The following TCOF1 variants were observed in gnomAD, a reference collection of about 807,000 sequenced individuals.
TCOF1 encodes the protein treacle protein.
A neutral mutation model predicts 149.0 loss-of-function variants in TCOF1; 33 were observed. The observed-to-expected ratio is 0.22, with a 90% CI of 0.17 to 0.30. The LOEUF is 0.30. Ranked by LOEUF, TCOF1 falls within the 10% of genes least tolerant of loss-of-function variation. The pLI is 1.00. For missense variants in TCOF1, 1,728 were observed against 1,840.7 expected, an observed-to-expected ratio of 0.94 and a Z score of 1.12; for synonymous variants, 789 against 738.8, an observed-to-expected ratio of 1.07 and a Z score of -1.10.
chr5:150,371,434 C>T (rs543619536), intron 6 of TCOF1, among the ~76,000 whole-genome samples: 11 of 152,312 alleles, frequency 7.2e-5, no homozygotes, highest in East Asian at 1.9e-4. Context: ...CAGTAGCAGA[C>T]GCCCCAGAAA....
chr5:150,397,452 T>TA (rs142759922), intron 24 of TCOF1, among the ~76,000 whole-genome samples: 3,060 of 152,250 alleles, frequency 0.02, 101 homozygotes, highest in African/African-American at 0.07. Flanking sequence ...CACTGGCCCT[T>TA]TACTGAGTGC....
rs1768538361 is a variant in TCOF1 at position 150,396,481 on chromosome 5, AAAG to A, written c.3988_3990del (p.Lys1330del). ...TGACTGAGCTGCTGGAACAGGAAAG[AAAG>A]AAGGTGGTGGACACCACCAAGGAGA... is the stretch of plus-strand genomic sequence containing the variant. On this transcript the variant is annotated inframe_deletion, in exon 24 of 27. Coordinates refer to ENST00000643257, the MANE Select transcript of TCOF1 (RefSeq NM_001371623.1). The A allele has an allele frequency of 6.2e-6, 10 of 1,613,796 alleles. No homozygotes were observed. The highest frequency in any genetic ancestry group is 8.5e-6 in the Non-Finnish European group (10 of 1,179,974).
At chr5:150,398,879 A>C (rs1311972783) in intron 25 of TCOF1, 143 bp from the exon 26 acceptor site, 1 of 1,149,380 alleles carries the variant, frequency 8.7e-7, no homozygotes, top group East Asian at 2.5e-5. Flanking sequence ...GGAGAGCTGA[A>C]CATCTGTTTG....
At chr5:150,361,708 G>A (rs919564113) in intron 2 of TCOF1, among the ~76,000 whole-genome samples, 1 of 152,202 alleles carries the variant, frequency 6.6e-6, no homozygotes, top group Non-Finnish European at 1.5e-5. Flanking sequence ...TGGGGGTCCA[G>A]GGGAAGCTTC....
At chr5:150,383,139 G>A (rs1220157587) in intron 17 of TCOF1, 23 of 1,535,902 alleles carry the variant, frequency 1.5e-5, no homozygotes, top group Admixed American at 1.2e-4. Context: ...AGGGGTCCTC[G>A]GAGAGCAGTG....
intron 7 of TCOF1, 147 bp from the exon 8 acceptor site, chr5:150,374,026 GT>G (rs1763130403): frequency 2.3e-6 from 2 of 874,252 alleles, no homozygotes; most frequent in African/African-American, 3.4e-5. Context: ...GGAGGCCAGT[GT>G]GGCCAAAGTA....
Position 150,375,328 on chromosome 5 carries a change from G to A in TCOF1, c.1489-11G>A, listed in dbSNP as rs756744780. On this transcript the variant is annotated splice_polypyrimidine_tract_variant and intron_variant, in intron 10 of 26. Coordinates refer to ENST00000643257, the MANE Select transcript of TCOF1 (RefSeq NM_001371623.1). ...GACTCCCTCCCTAATCTTGTCCTTT[G>A]TGTCTCCCAGGTGAAGCCCTTGGGG... 6.2e-7 allele frequency: 1 copy of A among 1,610,428 alleles called. No individual in the cohort carries two copies. The highest frequency in any genetic ancestry group is 2.2e-5 in the East Asian group (1 of 44,812).
intron 18 of TCOF1, among the ~76,000 whole-genome samples, chr5:150,388,732 G>A (rs1224442433): frequency 6.6e-6 from 1 of 152,216 alleles, no homozygotes; most frequent in Non-Finnish European, 1.5e-5. Context: ...GAGATCAGGA[G>A]TTCAAGACCA....
chr5:150,376,239 G>C lies in TCOF1; in HGVS notation c.2051G>C (p.Gly684Ala), dbSNP rs770771176. 3.7e-6 allele frequency: 6 copies of C among 1,614,224 alleles called. No individual in the cohort carries two copies. The highest frequency in any genetic ancestry group is 5.1e-6 in the Non-Finnish European group (6 of 1,180,042). ...GCAGGCTCATCCCCAGCTGTGGCTG[G>C]GGGCACCCAGAGACCAGCAGAGGAT... ...SPAGSSPAVA[G>A]GTQRPAEDSS... Residue 684 changes from glycine (G) to alanine (A), a missense_variant, in exon 13 of 27, where the codon GGG becomes GCG. By Grantham distance (60) the Gly-to-Ala change is moderately conservative. Transcript: ENST00000643257.
chr5:150,370,928 T>C (rs1201516245), intron 6 of TCOF1, among the ~76,000 whole-genome samples: 1 of 152,192 alleles, frequency 6.6e-6, no homozygotes, highest in African/African-American at 2.4e-5. Flanking sequence ...TTGGGTTTTA[T>C]TCTAGGGGCT....
At chr5:150,383,997 A>G in intron 17 of TCOF1, 1 of 1,381,090 alleles carries the variant, frequency 7.2e-7, no homozygotes. Flanking sequence ...CTCTAGCCCC[A>G]AGCTCCCAGA....
At position 150,369,509 on chromosome 5, in the gene TCOF1, C is replaced by T. The variant is rs763646155; in HGVS notation, c.566-20C>T. 4.6e-5 allele frequency: 75 copies of T among 1,613,804 alleles called. No homozygotes were observed. The highest frequency in any genetic ancestry group is 3.8e-5 in the Non-Finnish European group (45 of 1,179,958). On this transcript the variant is annotated intron_variant, in intron 5 of 26. Transcript: ENST00000643257. ...GGCTGGAAAGGGAGTCCCTCAGTCC[C>T]CTCCGTGTCCGATCCTCAGGGATGG...
intron 2 of TCOF1, among the ~76,000 whole-genome samples, chr5:150,362,391 T>C (rs1760327911): frequency 6.6e-6 from 1 of 152,092 alleles, no homozygotes; most frequent in Admixed American, 6.5e-5. Flanking sequence ...CCATGAGGAA[T>C]GGTAGAGAGT....
intron 17 of TCOF1, 136 bp downstream of exon 17, chr5:150,379,868 T>A (rs1341299389): frequency 9.3e-7 from 1 of 1,074,488 alleles, no homozygotes; most frequent in Non-Finnish European, 1.4e-6. Flanking sequence ...GGTCAGGGGT[T>A]CAAGACCAGC....
chr5:150,399,105 G>T, intron 26 of TCOF1, 35 bp downstream of exon 26: 1 of 1,613,618 alleles, frequency 6.2e-7, no homozygotes, highest in Non-Finnish European at 8.5e-7. Context: ...CATTCAGGGT[G>T]GGAGGACAGC....
At chr5:150,398,298 C>A (rs1250795812) in intron 24 of TCOF1, 56 bp from the exon 25 acceptor site, 1 of 1,610,270 alleles carries the variant, frequency 6.2e-7, no homozygotes. Flanking sequence ...CCAACATTGA[C>A]CCCAGCACTT....
intron 7 of TCOF1, among the ~76,000 whole-genome samples, chr5:150,372,739 C>T (rs1043178862): frequency 6.6e-6 from 1 of 152,100 alleles, no homozygotes; most frequent in African/African-American, 2.4e-5. Flanking sequence ...CAGGACAAGG[C>T]GGGGGCATGC....
At chr5:150,381,804 AG>A (rs1330595980) in intron 17 of TCOF1, among the ~76,000 whole-genome samples, 4 of 152,224 alleles carry the variant, frequency 2.6e-5, no homozygotes, top group Non-Finnish European at 5.9e-5. Flanking sequence ...GCTGCTGAAA[AG>A]CTGGTTCCTT....
chr5:150,384,003 C>T, intron 17 of TCOF1: 1 of 1,385,966 alleles, frequency 7.2e-7, no homozygotes, highest in Non-Finnish European at 9.3e-7. Flanking sequence ...CCCCAAGCTC[C>T]CAGAAGCTTC....
Sources: allele counts gnomAD v4.1 joint callset (sites outside exome capture counted in the v4.1 genomes callset), GRCh38; gene constraint gnomAD v4.1.1; transcripts MANE v1.5; gene names NCBI Gene and HGNC (gene_info 2026-07-23, HGNC 2026-07-21).